The following CARMIL1 variants were observed in gnomAD, a reference collection of about 807,000 sequenced individuals.
CARMIL1 encodes capping protein regulator and myosin 1 linker 1, also known as F-actin-uncapping protein LRRC16A.
A neutral mutation model predicts 177.1 loss-of-function variants in CARMIL1; 90 were observed. That is an observed-to-expected ratio of 0.51 (90% CI 0.43 to 0.61). The LOEUF is 0.61. Ranked by LOEUF, CARMIL1 falls within the 20% of genes least tolerant of loss-of-function variation. The pLI is 0.00. For synonymous variants in CARMIL1, 577 were observed against 606.2 expected, an observed-to-expected ratio of 0.95 and a Z score of 0.71; for missense variants, 1,380 against 1,667.0, an observed-to-expected ratio of 0.83 and a Z score of 3.00.
intron 20 of CARMIL1, among the ~76,000 whole-genome samples, chr6:25,512,072 T>G (rs562226237): frequency 6.6e-6 from 1 of 152,334 alleles, no homozygotes; most frequent in African/African-American, 2.4e-5. Context: ...GATTTTCCAG[T>G]ATTGGCCCAG....
At chr6:25,562,600 C>T (rs921004016) in intron 29 of CARMIL1, among the ~76,000 whole-genome samples, 11 of 152,116 alleles carry the variant, frequency 7.2e-5, no homozygotes, top group African/African-American at 2.4e-4. Flanking sequence ...GTTGACTGCC[C>T]TCACAGGCTA....
At chr6:25,540,751 G>C (rs906062926) in intron 26 of CARMIL1, among the ~76,000 whole-genome samples, 1 of 152,068 alleles carries the variant, frequency 6.6e-6, no homozygotes, top group Non-Finnish European at 1.5e-5. Flanking sequence ...TAAAAACTGT[G>C]TCTGAATTTC....
At chr6:25,520,194 G>A (rs1806406737) in intron 22 of CARMIL1, 50 bp from the exon 23 acceptor site, 1 of 867,710 alleles carries the variant, frequency 1.2e-6, no homozygotes, top group East Asian at 2.7e-5. Flanking sequence ...CTGAATTAAG[G>A]TAATAGGAAG....
chr6:25,293,756 C>G (rs1393570539), intron 2 of CARMIL1, among the ~76,000 whole-genome samples: 1 of 151,964 alleles, frequency 6.6e-6, no homozygotes, highest in Non-Finnish European at 1.5e-5. Flanking sequence ...GACAGGGCCT[C>G]ACTTTGTCAG....
At chr6:25,290,142 C>T (rs1781825893) in intron 2 of CARMIL1, among the ~76,000 whole-genome samples, 1 of 152,094 alleles carries the variant, frequency 6.6e-6, no homozygotes, top group African/African-American at 2.4e-5. Flanking sequence ...ATCACCCAAG[C>T]TGGAGCACAG....
chr6:25,394,976 A>G (rs952717489), intron 2 of CARMIL1, among the ~76,000 whole-genome samples: 18 of 152,306 alleles, frequency 1.2e-4, no homozygotes, highest in Non-Finnish European at 1.8e-4. Context: ...CTCTTAGACT[A>G]TTTATGGTAA....
intron 26 of CARMIL1, among the ~76,000 whole-genome samples, chr6:25,541,885 G>A (rs1012040771): frequency 1.3e-5 from 2 of 152,018 alleles, no homozygotes; most frequent in Non-Finnish European, 2.9e-5. Context: ...AACTCCTGAC[G>A]TCAGCTCAAG....
At chr6:25,531,093 A>C (rs993414528) in intron 24 of CARMIL1, among the ~76,000 whole-genome samples, 2 of 152,218 alleles carry the variant, frequency 1.3e-5, no homozygotes, top group African/African-American at 4.8e-5. Flanking sequence ...ATTTCGTGGA[A>C]TCAACTGCTA....
intron 2 of CARMIL1, among the ~76,000 whole-genome samples, chr6:25,331,486 C>T (rs1187571334): frequency 1.3e-5 from 2 of 152,196 alleles, no homozygotes; most frequent in Non-Finnish European, 2.9e-5. Flanking sequence ...CAGGCTGTGA[C>T]CTCACCCTGA....
Position 25,396,884 on chromosome 6 carries a change from AT to A in CARMIL1, c.139-23227del, listed in dbSNP as rs544452824. ...GGGGCTCACCCAACATTAAATGGCT[AT>A]TTAATGGCAGAGTAGGGATGAGAAC... On this transcript the variant is annotated intron_variant, in intron 2 of 36. Transcript: ENST00000329474. Among the ~76,000 whole-genome samples, 163 of 152,226 alleles carry A rather than the reference AT, an allele frequency of 1.1e-3. 1 individual carries two copies. The highest frequency in any genetic ancestry group is 3.6e-3 in the African/African-American group (151 of 41,538).
intron 29 of CARMIL1, among the ~76,000 whole-genome samples, chr6:25,579,150 A>G (rs1812884341): frequency 6.7e-6 from 1 of 149,900 alleles, no homozygotes; most frequent in African/African-American, 2.4e-5. Flanking sequence ...TATAATTTTT[A>G]TATATTTTAC....
At chr6:25,384,098 T>C (rs943174639) in intron 2 of CARMIL1, among the ~76,000 whole-genome samples, 3 of 152,146 alleles carry the variant, frequency 2.0e-5, no homozygotes, top group Non-Finnish European at 4.4e-5. Context: ...CTTGGCCTCC[T>C]AAAGTGCTGG....
chr6:25,452,506 A>G (rs1799077068), intron 8 of CARMIL1: 1 of 317,444 alleles, frequency 3.2e-6, no homozygotes, highest in Non-Finnish European at 5.7e-6. Flanking sequence ...GGGTCAAAAC[A>G]TTGGTATTTA....
intron 33 of CARMIL1, among the ~76,000 whole-genome samples, chr6:25,601,740 A>G (rs1815425420): frequency 6.6e-6 from 1 of 152,222 alleles, no homozygotes; most frequent in Non-Finnish European, 1.5e-5. Context: ...CCCAAATCTG[A>G]CTTAAAACAT....
At chr6:25,458,480 T>A (rs1799727773) in intron 8 of CARMIL1, among the ~76,000 whole-genome samples, 1 of 97,502 alleles carries the variant, frequency 1.0e-5, no homozygotes, top group Non-Finnish European at 2.0e-5. Flanking sequence ...AGCGAGACTC[T>A]GTCTCAAAAA....
chr6:25,459,266 C>CTTTCTTTCTTTCTTTCTTTCTTTCTTTCT, intron 8 of CARMIL1, among the ~76,000 whole-genome samples: 1 of 73,770 alleles, frequency 1.4e-5, no homozygotes, highest in African/African-American at 4.9e-5. Flanking sequence ...TTCTTTCTTT[C>CTTTCTTTCTTTCTTTCTTTCTTTCTTTCT]TTTTTTTTTT....
intron 2 of CARMIL1, among the ~76,000 whole-genome samples, chr6:25,395,227 C>T (rs539091486): frequency 3.3e-5 from 5 of 152,222 alleles, no homozygotes; most frequent in Admixed American, 6.5e-5. Context: ...ATTGTCGGGA[C>T]GGCGGTGCAA....
chr6:25,556,408 G>C (rs545542667), intron 28 of CARMIL1, among the ~76,000 whole-genome samples: 1 of 152,098 alleles, frequency 6.6e-6, no homozygotes, highest in South Asian at 2.1e-4. Context: ...TTTTAGTATA[G>C]AAGGAAATTT....
chr6:25,381,775 T>G (rs1791568239), intron 2 of CARMIL1, among the ~76,000 whole-genome samples: 1 of 152,202 alleles, frequency 6.6e-6, no homozygotes, highest in Admixed American at 6.5e-5. Flanking sequence ...CTTAGAGGTT[T>G]TATGGCGTTT....
Sources: gnomAD v4.1 joint callset for allele counts (sites outside exome capture counted in the v4.1 genomes callset) on GRCh38, gnomAD v4.1.1 for gene constraint, MANE v1.5 for transcripts, NCBI Gene and HGNC (gene_info 2026-07-23, HGNC 2026-07-21) for gene names.